Variants in NBEAL1 observed in about 807,000 individuals in gnomAD.
The protein encoded by NBEAL1 is neurobeachin-like protein 1.
A neutral mutation model predicts 351.3 loss-of-function variants in NBEAL1; 273 were observed. The ratio of observed to expected loss-of-function variants is 0.78; its 90% CI spans 0.70 to 0.86. The LOEUF (loss-of-function observed/expected upper bound fraction) is 0.86. Ranked by LOEUF, NBEAL1 falls within the 40% of genes least tolerant of loss-of-function variation. The pLI is 0.00. For synonymous variants in NBEAL1, 1,050 were observed against 1,086.4 expected, an observed-to-expected ratio of 0.97 and a Z score of 0.66; for missense variants, 2,961 against 3,201.3, an observed-to-expected ratio of 0.92 and a Z score of 1.81.
chr2:203,068,679 AT>A (rs1300891574), intron 7 of NBEAL1, among the ~76,000 whole-genome samples: 1 of 152,080 alleles, frequency 6.6e-6, no homozygotes, highest in East Asian at 1.9e-4. Context: ...TTCTCAAAAA[AT>A]TTTTTTAGAA....
At chr2:203,047,951 C>T (rs946283812) in intron 3 of NBEAL1, among the ~76,000 whole-genome samples, 26 of 151,836 alleles carry the variant, frequency 1.7e-4, no homozygotes, top group African/African-American at 6.3e-4. Context: ...CTATGTTGCC[C>T]AGCCAATTTT....
intron 34 of NBEAL1, among the ~76,000 whole-genome samples, chr2:203,149,361 AC>A (rs2063592345): frequency 6.6e-6 from 1 of 151,790 alleles, no homozygotes; most frequent in South Asian, 2.1e-4. Context: ...CCTTCCTTTG[AC>A]CCTTTGATAT....
In NBEAL1 at chr2:203,218,463, T is replaced by TACCAGTTGTATTAATA. The variant is rs1476181302; in HGVS notation, c.*1115_*1116insTGTATTAATAACCAGT. 5 of 152,222 alleles carry TACCAGTTGTATTAATA rather than the reference T, an allele frequency of 3.3e-5. No homozygotes were observed. The highest frequency in any genetic ancestry group is 1.2e-4 in the African/African-American group (5 of 41,476). The allele number at this position is 152,222 out of a possible 1,614,324, so 9.4% of individuals were successfully genotyped here. On this transcript the variant is annotated 3_prime_UTR_variant, in exon 56 of 56. Coordinates refer to ENST00000683969, the MANE Select transcript of NBEAL1 (RefSeq NM_001378026.1). ...AGTTAGGTCAGAGAGCTTTTACAAC[T>TACCAGTTGTATTAATA]ACCAGTGTTATTAATCTGAGATTTC...
intron 34 of NBEAL1, among the ~76,000 whole-genome samples, chr2:203,150,403 ATTTCT>A (rs1234107341): frequency 2.0e-5 from 3 of 151,834 alleles, no homozygotes; most frequent in African/African-American, 7.3e-5. Context: ...AGATTGTTTG[ATTTCT>A]TTTGTTGAAT....
At chr2:203,043,674 T>A (rs1381195484) in intron 3 of NBEAL1, among the ~76,000 whole-genome samples, 2 of 149,878 alleles carry the variant, frequency 1.3e-5, no homozygotes, top group East Asian at 3.9e-4. Flanking sequence ...GGCTGTAGTG[T>A]GCTGTGATCG....
At chr2:203,204,466 G>A (rs1031513136) in intron 51 of NBEAL1, among the ~76,000 whole-genome samples, 3 of 151,432 alleles carry the variant, frequency 2.0e-5, no homozygotes, top group African/African-American at 7.3e-5. Context: ...AAGTAGCTGG[G>A]ACTCCAGGCA....
At chr2:203,030,106 C>T (rs1308819124) in intron 2 of NBEAL1, among the ~76,000 whole-genome samples, 1 of 152,184 alleles carries the variant, frequency 6.6e-6, no homozygotes, top group African/African-American at 2.4e-5. Flanking sequence ...AAGTGTAAGG[C>T]ATGACCGAAC....
chr2:203,204,772 G>T (rs891146697), intron 51 of NBEAL1, among the ~76,000 whole-genome samples: 1 of 151,702 alleles, frequency 6.6e-6, no homozygotes, highest in Non-Finnish European at 1.5e-5. Context: ...TTTTTAGTGG[G>T]GTTTTAAAAA....
intron 17 of NBEAL1, 108 bp downstream of exon 17, chr2:203,113,426 A>G (rs964959482): frequency 2.5e-5 from 16 of 632,090 alleles, no homozygotes; most frequent in African/African-American, 5.7e-5. Flanking sequence ...TCTGAAGAAT[A>G]TATTTCATGT....
intron 53 of NBEAL1, among the ~76,000 whole-genome samples, chr2:203,209,607 A>T (rs1422191674): frequency 6.6e-6 from 1 of 152,188 alleles, no homozygotes; most frequent in African/African-American, 2.4e-5. Context: ...GAAACTGGAA[A>T]TGATAGCCAA....
chr2:203,076,460 A>AAGT (rs2061772798), intron 7 of NBEAL1, among the ~76,000 whole-genome samples: 1 of 145,718 alleles, frequency 6.9e-6, no homozygotes, highest in East Asian at 2.0e-4. Flanking sequence ...CTAGGCAATA[A>AAGT]AGTAAGACCC....
At chr2:203,174,741 A>C (rs1298434750) in intron 41 of NBEAL1, among the ~76,000 whole-genome samples, 1 of 151,834 alleles carries the variant, frequency 6.6e-6, no homozygotes, top group Non-Finnish European at 1.5e-5. Context: ...AAATAGAAAA[A>C]TTAGCTGGGC....
chr2:203,134,103 AT>A (rs1386771954), intron 27 of NBEAL1, among the ~76,000 whole-genome samples: 1 of 152,140 alleles, frequency 6.6e-6, no homozygotes, highest in Non-Finnish European at 1.5e-5. Context: ...ATTTTTCCAC[AT>A]TGTCCTTCAA....
chr2:203,031,137 T>C (rs2060943087), intron 2 of NBEAL1, among the ~76,000 whole-genome samples: 1 of 152,248 alleles, frequency 6.6e-6, no homozygotes, highest in Non-Finnish European at 1.5e-5. Flanking sequence ...AGGTTCTCAT[T>C]GTTTTGAAAT....
chr2:203,054,719 G>C (rs1376897971), intron 4 of NBEAL1, among the ~76,000 whole-genome samples: 1 of 152,138 alleles, frequency 6.6e-6, no homozygotes, highest in African/African-American at 2.4e-5. Flanking sequence ...AAAAATCATA[G>C]AGATACTTTT....
chr2:203,190,691 G>A (rs1457751018), intron 46 of NBEAL1: 11 of 209,666 alleles, frequency 5.2e-5, no homozygotes, highest in South Asian at 4.7e-4. Context: ...GAATCAAATT[G>A]CTCTCGGCTT....
rs2064367881 is a variant in NBEAL1 at position 203,172,850 on chromosome 2, A to G, written c.6320A>G (p.Glu2107Gly). 6.2e-7 allele frequency: 1 copy of G among 1,603,818 alleles called. No individual in the cohort carries two copies. The change falls in exon 41 of 56, where the codon GAA (glutamate) becomes GGA (glycine). Residue 2107 changes from glutamate (E) to glycine (G), a missense_variant. By Grantham distance (98) the Glu-to-Gly change is moderately conservative. Transcript: ENST00000683969. ...GAAAAAAACGCCAAAGCTATGAGAG[A>G]AAAGTAAGTGCTTCTTATTCCTTTT... is the stretch of plus-strand genomic sequence containing the variant. ...VNEKNAKAMR[E>G]KYENFEDPMG...
chr2:203,199,648 A>G (rs1325607212), intron 49 of NBEAL1, among the ~76,000 whole-genome samples: 1 of 150,360 alleles, frequency 6.7e-6, no homozygotes, highest in East Asian at 2.0e-4. Flanking sequence ...TTATCTGGCT[A>G]ATTTTTGTTG....
chr2:203,208,140 C>T (rs2065663004), intron 51 of NBEAL1, among the ~76,000 whole-genome samples: 1 of 151,800 alleles, frequency 6.6e-6, no homozygotes, highest in South Asian at 2.1e-4. Flanking sequence ...TAAAAATTAG[C>T]CAGGCATGGT....
Sources: gnomAD v4.1 joint callset for allele counts (sites outside exome capture counted in the v4.1 genomes callset) on GRCh38, gnomAD v4.1.1 for gene constraint, MANE v1.5 for transcripts, NCBI Gene and HGNC (gene_info 2026-07-23, HGNC 2026-07-21) for gene names.